The following PVT1 variants were observed in gnomAD, a reference collection of about 807,000 sequenced individuals.
PVT1 encodes the protein CXCR4/PVT1 fusion.
chr8:127,963,244 A>G (rs1484424986), intron 3 of PVT1, among the ~76,000 whole-genome samples: 1 of 152,176 alleles, frequency 6.6e-6, no homozygotes, highest in Non-Finnish European at 1.5e-5. Flanking sequence ...CTAGGCTCGC[A>G]TCGGCCACTT....
At chr8:128,093,217 A>G (rs1368641300) in intron 5 of PVT1, among the ~76,000 whole-genome samples, 1 of 152,204 alleles carries the variant, frequency 6.6e-6, no homozygotes, top group Non-Finnish European at 1.5e-5. Context: ...TTTTCTCATC[A>G]GTAAAATGGG....
intron 2 of PVT1, among the ~76,000 whole-genome samples, chr8:127,801,594 C>T (rs552974673): frequency 5.5e-4 from 84 of 152,244 alleles, no homozygotes; most frequent in South Asian, 4.1e-4. Context: ...GCTTTTGAAA[C>T]GGTCAGTCTG....
At chr8:127,872,582 CA>C (rs1222226270) in intron 2 of PVT1, among the ~76,000 whole-genome samples, 5 of 152,032 alleles carry the variant, frequency 3.3e-5, no homozygotes, top group Non-Finnish European at 7.4e-5. Context: ...TGTGTACCCA[CA>C]AAAATTAAAA....
At chr8:127,841,791 T>TCA (rs1386303079) in intron 2 of PVT1, among the ~76,000 whole-genome samples, 6 of 152,002 alleles carry the variant, frequency 3.9e-5, no homozygotes, top group Non-Finnish European at 7.4e-5. Context: ...AGTGGCACAA[T>TCA]CTTGGCTCAC....
At position 127,812,104 on chromosome 8, in the gene PVT1, G is replaced by C. The variant is rs542120453; in HGVS notation, n.372+16033G>C. ...AGCCTGGGTGACAGGGTGAGACATCGTCTCAAAAGAAAAGAAAGGAAAAGA... is the reference window on the plus strand; with the variant it reads ...AGCCTGGGTGACAGGGTGAGACATCCTCTCAAAAGAAAAGAAAGGAAAAGA... On this transcript the variant is annotated intron_variant and non_coding_transcript_variant, in intron 2 of 10. Coordinates refer to ENST00000651587, the Ensembl canonical transcript of PVT1. 2.9e-5 allele frequency among the ~76,000 whole-genome samples: 4 copies of C among 139,578 alleles called. No homozygotes were observed. In the South Asian group the frequency reaches 9.8e-4, roughly 34 times the overall value. The allele number at this position is 139,578 out of a possible 152,430, so 91.6% of individuals were successfully genotyped here. A position where few individuals can be genotyped will look rare whatever the true frequency, so the allele number is the denominator to read the frequency against.
At chr8:127,983,947 C>G (rs1006790451) in intron 3 of PVT1, 4 of 149,660 alleles carry the variant, frequency 2.7e-5, no homozygotes, top group Non-Finnish European at 5.9e-5. Flanking sequence ...GGCATGATCC[C>G]AGGTCACTGC....
At chr8:128,005,266 G>A (rs2016634) in intron 4 of PVT1, among the ~76,000 whole-genome samples, 127,396 of 152,214 alleles carry the variant, frequency 0.84, 53,452 homozygotes, top group East Asian at 0.89. Context: ...ATTTGTTTTT[G>A]AAGCTCATCA....
intron 2 of PVT1, among the ~76,000 whole-genome samples, chr8:127,834,520 C>G (rs1814887640): frequency 6.6e-6 from 1 of 152,168 alleles, no homozygotes; most frequent in African/African-American, 2.4e-5. Flanking sequence ...GCAAAGACTT[C>G]ATGACTAAAA....
intron 2 of PVT1, among the ~76,000 whole-genome samples, chr8:127,802,511 C>A (rs1174738642): frequency 6.6e-6 from 1 of 152,242 alleles, no homozygotes; most frequent in Non-Finnish European, 1.5e-5. Flanking sequence ...CCACTGCACC[C>A]TGCCAAGTTA....
chr8:128,060,052 C>A (rs181109323), intron 4 of PVT1, among the ~76,000 whole-genome samples: 1 of 152,004 alleles, frequency 6.6e-6, no homozygotes, highest in African/African-American at 2.4e-5. Flanking sequence ...GTCAGGAGAT[C>A]GAGACCATCC....
intron 2 of PVT1, among the ~76,000 whole-genome samples, chr8:127,808,332 G>A (rs1351575348): frequency 6.6e-6 from 1 of 152,208 alleles, no homozygotes; most frequent in Non-Finnish European, 1.5e-5. Context: ...ACAGGCGTGA[G>A]CCACGGCGTC....
At chr8:127,837,336 CG>C (rs916523597) in intron 2 of PVT1, among the ~76,000 whole-genome samples, 1 of 151,580 alleles carries the variant, frequency 6.6e-6, no homozygotes, top group African/African-American at 2.4e-5. Context: ...AAAAGAAGGC[CG>C]GGGGTGGGCC....
intron 3 of PVT1, among the ~76,000 whole-genome samples, chr8:127,968,862 T>C (rs2129959518): frequency 1.3e-5 from 2 of 152,142 alleles, no homozygotes; most frequent in South Asian, 2.1e-4. Context: ...ATTAGAGGGA[T>C]ACAGCACCAA....
intron 4 of PVT1, among the ~76,000 whole-genome samples, chr8:128,069,989 C>T (rs2250892): frequency 0.24 from 35,993 of 152,020 alleles, 4,496 homozygotes; most frequent in East Asian, 0.38. Flanking sequence ...CATTCCCTTC[C>T]CTCCTCCATA....
chr8:127,904,396 G>C (rs1043443620), intron 3 of PVT1, among the ~76,000 whole-genome samples: 68 of 152,262 alleles, frequency 4.5e-4, no homozygotes, highest in African/African-American at 1.5e-3. Context: ...TGGCCCTGCT[G>C]TGCAGCACTT....
intron 5 of PVT1, among the ~76,000 whole-genome samples, chr8:128,086,487 C>T (rs1814260047): frequency 6.6e-6 from 1 of 152,190 alleles, no homozygotes; most frequent in Admixed American, 6.5e-5. Context: ...ATTATGTCAA[C>T]TTAGACCATC....
At chr8:127,943,832 T>C (rs933942858) in intron 3 of PVT1, among the ~76,000 whole-genome samples, 2 of 152,140 alleles carry the variant, frequency 1.3e-5, no homozygotes, top group Non-Finnish European at 2.9e-5. Context: ...AAAAGAAAAC[T>C]GAGTTGAGGG....
chr8:128,062,741 A>G (rs534847005), intron 4 of PVT1, among the ~76,000 whole-genome samples: 1 of 152,096 alleles, frequency 6.6e-6, no homozygotes, highest in African/African-American at 2.4e-5. Context: ...TTTTTTTCCA[A>G]TAACCACTAG....
chr8:127,961,058 G>A (rs961247503), intron 3 of PVT1, among the ~76,000 whole-genome samples: 5 of 146,650 alleles, frequency 3.4e-5, no homozygotes, highest in Non-Finnish European at 7.4e-5. Flanking sequence ...AGGGCCCAGG[G>A]TGTGGACTTA....
Sources: gnomAD v4.1 joint callset for allele counts (sites outside exome capture counted in the v4.1 genomes callset) on GRCh38, gnomAD v4.1.1 for gene constraint, MANE v1.5 for transcripts, NCBI Gene and HGNC (gene_info 2026-07-23, HGNC 2026-07-21) for gene names.